PSMD2: variants seen among roughly 807,000 people sequenced by gnomAD.
PSMD2 encodes the protein 26S proteasome non-ATPase regulatory subunit 2.
PSMD2 carries 8 observed loss-of-function variants against 101.5 expected under a neutral mutation model. The ratio of observed to expected loss-of-function variants is 0.08; its 90% CI spans 0.05 to 0.14. The LOEUF is 0.14. Among genes scored for constraint, PSMD2 ranks in the 10% least tolerant of loss-of-function variants. PSMD2 has a pLI of 1.00. For synonymous variants in PSMD2, 418 were observed against 433.8 expected, an observed-to-expected ratio of 0.96 and a Z score of 0.45; for missense variants, 784 against 1,147.4, an observed-to-expected ratio of 0.68 and a Z score of 4.58.
Position 184,303,660 on chromosome 3 carries a change from G to T in PSMD2, c.1234G>T (p.Ala412Ser), listed in dbSNP as rs201414592. The change falls in exon 10 of 21, where the codon GCA becomes TCA. Residue 412 changes from alanine (A) to serine (S), a missense_variant. Ala to Ser is a moderately conservative substitution (Grantham distance 99). Coordinates refer to ENST00000310118, the MANE Select transcript of PSMD2 (RefSeq NM_002808.5). ...TGGTATAGGAATGTTGAGTGCAGCT[G>T]CATCTCTTGGGATGATTCTGCTGTG... is the stretch of plus-strand genomic sequence containing the variant. ...NKDHGMLSAA[A>S]SLGMILLWDV... is the part of the protein sequence containing the mutation. 1.0e-4 allele frequency: 167 copies of T among 1,614,096 alleles called. No individual in the cohort carries two copies. Among genetic ancestry groups the T allele is most frequent in the Non-Finnish European group, 1.4e-4 (161 of 1,180,046 alleles).
chr3:184,303,501 C>G (rs1161499362), intron 9 of PSMD2, 35 bp downstream of exon 9: 34 of 1,610,298 alleles, frequency 2.1e-5, no homozygotes, highest in Non-Finnish European at 2.7e-5. Context: ...TTTTGTTTTG[C>G]TTTGATCACT....
Position 184,302,755 on chromosome 3 carries a change from T to C in PSMD2, c.940T>C (p.Tyr314His). ...GGAGCTGAGTGAAGATGTCGAGGAG[T>C]ATGAGGACCTGACAGAGATCATGTC... ...FLELSEDVEE[Y>H]EDLTEIMSNV... Residue 314 changes from tyrosine to histidine, a missense_variant, in exon 7 of 21, where the codon TAT becomes CAT. Physicochemically the swap from Tyr to His is moderately conservative, Grantham distance 83. Around this residue, in one of 6 missense-constraint regions of PSMD2, gnomAD observed 208 missense variants for 301.6 expected, o/e 0.69. Coordinates refer to ENST00000310118, the MANE Select transcript of PSMD2 (RefSeq NM_002808.5). The C allele has an allele frequency of 1.2e-6, 2 of 1,613,944 alleles. No homozygotes were observed. The highest frequency in any genetic ancestry group is 1.7e-6 in the Non-Finnish European group (2 of 1,179,988).
rs530468168 is a variant in PSMD2 at position 184,303,231 on chromosome 3, C to T, written c.1070-89C>T. The T allele has an allele frequency of 2.6e-5, 40 of 1,543,916 alleles. No individual in the cohort carries two copies. The South Asian group carries it at 4.1e-4, about 16-fold the overall frequency. ...GGTAGAGGATACTAAGGGACTAGCT[C>T]AGAACCAGAGACCAGTTGCCATGCT... is the stretch of plus-strand genomic sequence containing the variant. On this transcript the variant is annotated intron_variant, in intron 8 of 20. Transcript: ENST00000310118.
chr3:184,300,133 C>A, intron 2 of PSMD2, 147 bp from the exon 3 acceptor site: 1 of 960,998 alleles, frequency 1.0e-6, no homozygotes, highest in Non-Finnish European at 1.5e-6. Context: ...GTTTTTGTGC[C>A]AGGCAGGGTG....
At chr3:184,299,497 G>C in intron 1 of PSMD2, 96 bp downstream of exon 1, 2 of 1,301,192 alleles carry the variant, frequency 1.5e-6, no homozygotes, top group Non-Finnish European at 2.0e-6. Flanking sequence ...ACCCCACCGC[G>C]CCAGGGAGAG....
At chr3:184,299,680 A>T in intron 1 of PSMD2, 171 bp from the exon 2 acceptor site, 1 of 664,310 alleles carries the variant, frequency 1.5e-6, no homozygotes, top group Non-Finnish European at 2.6e-6. Flanking sequence ...GTAGAGCCTG[A>T]TTCAGAACCC....
rs990070715 is a variant in PSMD2, at chr3:184,307,375, A to G, written c.2053A>G (p.Thr685Ala). ...TCATCAGCTGAGATATGGGGAGCCT[A>G]CACTCCGGAGGGCTGTACCTTTAGC... ...FGHLLRYGEP[T>A]LRRAVPLALA... Residue 685 changes from threonine (T) to alanine (A), a missense_variant, in exon 17 of 21, where the codon ACA (threonine) becomes GCA (alanine). Coordinates refer to ENST00000310118, the MANE Select transcript of PSMD2 (RefSeq NM_002808.5). 1 of 1,614,182 alleles carries G rather than the reference A, an allele frequency of 6.2e-7. No individual in the cohort carries two copies.
chr3:184,305,815 C>A lies in PSMD2; in HGVS notation c.1587C>A (p.Ser529=). The A allele has an allele frequency of 6.2e-7, 1 of 1,614,176 alleles. No individual in the cohort carries two copies. The highest frequency in any genetic ancestry group is 8.5e-7 in the Non-Finnish European group (1 of 1,180,032). ...CCTGTGGAATGATAGCAGTAGGGTC[C>A]TGCAATGGAGATGTAACTTCCACTA... ...ALACGMIAVG[S]CNGDVTSTIL... The change falls in exon 13 of 21, where the codon TCC becomes TCA. Residue 529 remains serine, a synonymous_variant. Coordinates refer to ENST00000310118, the MANE Select transcript of PSMD2 (RefSeq NM_002808.5).
At position 184,308,000 on chromosome 3, in the gene PSMD2, C is replaced by A. The variant is rs1721891764; in HGVS notation, c.2409C>A (p.Phe803Leu). Residue 803 changes from phenylalanine (F) to leucine (L), a missense_variant, in exon 19 of 21, where the codon TTC becomes TTA. Around this residue, in one of 6 missense-constraint regions of PSMD2, gnomAD observed 282 missense variants for 437.6 expected, o/e 0.64. Transcript: ENST00000310118. ...VAGLLTVLVSFLDVRNIILGK... is the reference protein window; with the variant it reads ...VAGLLTVLVSLLDVRNIILGK... ...GACTGCTCACTGTGCTTGTCTCTTTCCTGGATGTTCGAAACAGTGAGTTCC... is the reference window on the plus strand; with the variant it reads ...GACTGCTCACTGTGCTTGTCTCTTTACTGGATGTTCGAAACAGTGAGTTCC... 1 of 1,613,940 alleles carries A rather than the reference C, an allele frequency of 6.2e-7. No individual in the cohort carries two copies. The highest frequency in any genetic ancestry group is 8.5e-7 in the Non-Finnish European group (1 of 1,180,040).
chr3:184,303,618 A>G, intron 9 of PSMD2, 25 bp from the exon 10 acceptor site: 1 of 1,613,770 alleles, frequency 6.2e-7, no homozygotes, highest in Non-Finnish European at 8.5e-7. Context: ...CCATTTTAAG[A>G]CTAATAGATT....
At chr3:184,301,060 G>C in intron 3 of PSMD2, among the ~76,000 whole-genome samples, 1 of 152,012 alleles carries the variant, frequency 6.6e-6, no homozygotes, top group East Asian at 1.9e-4. Flanking sequence ...GCTGGGTGTG[G>C]TGGCTCACAC....
At position 184,304,124 on chromosome 3, in the gene PSMD2, G is replaced by A. The variant is rs145714256; in HGVS notation, c.1451+50G>A. The A allele has an allele frequency of 1.2e-5, 19 of 1,609,740 alleles. No homozygotes were observed. The Middle Eastern group carries it at 6.6e-4, about 56-fold the overall frequency. ...GGTAGTGCTCAGCCTGTACACTCTG[G>A]AGAACAGGAACTGGGCCCTTTTCAC... On this transcript the variant is annotated intron_variant, in intron 11 of 20. Transcript: ENST00000310118. The surrounding 1 kb of genome is among the most constrained non-coding windows in gnomAD (Gnocchi z 4.1).
intron 3 of PSMD2, chr3:184,300,708 T>G (rs925555145): frequency 1.7e-6 from 2 of 1,145,660 alleles, no homozygotes; most frequent in African/African-American, 3.2e-5. Flanking sequence ...TTGATTTTTC[T>G]CTTTTCTTCT....
rs1721763113 is a variant in PSMD2 at position 184,304,495 on chromosome 3, T to C, written c.1539+104T>C. The C allele has an allele frequency of 2.0e-5, 22 of 1,106,434 alleles. No homozygotes were observed. The highest frequency in any genetic ancestry group is 2.7e-5 in the Non-Finnish European group (20 of 729,776). The allele number at this position is 1,106,434 out of a possible 1,614,324, so 68.5% of individuals were successfully genotyped here. On this transcript the variant is annotated intron_variant, in intron 12 of 20. Coordinates refer to ENST00000310118, the MANE Select transcript of PSMD2 (RefSeq NM_002808.5). This position sits in a 1 kb window ranked among gnomAD's most constrained non-coding sequence, Gnocchi z 4.1. ...AGAAGTAAGTGTGTGCATGTGTGCA[T>C]ACATGTACATGCCTGTTGGTGTGTA...
rs1226787974 is a variant in PSMD2, at chr3:184,302,322, A to G, written c.705-48A>G. 5 of 1,583,270 alleles carry G rather than the reference A, an allele frequency of 3.2e-6. No individual in the cohort carries two copies. In the African/African-American group the frequency reaches 5.4e-5, roughly 17 times the overall value. On this transcript the variant is annotated intron_variant, in intron 5 of 20. Coordinates refer to ENST00000310118, the MANE Select transcript of PSMD2 (RefSeq NM_002808.5). ...TTGGGTAAGTGAATTCATGGGGAAA[A>G]TGAGTGCCTGGGACTTTCTGAATTC...
At chr3:184,299,559 A>T in intron 1 of PSMD2, 158 bp downstream of exon 1, 3 of 1,065,748 alleles carry the variant, frequency 2.8e-6, no homozygotes, top group Non-Finnish European at 3.8e-6. Context: ...TCTGCTCCTC[A>T]TTCTCCGTTC....
At chr3:184,302,974 C>T (rs1721697893) in intron 7 of PSMD2, 28 bp from the exon 8 acceptor site, 1 of 1,613,736 alleles carries the variant, frequency 6.2e-7, no homozygotes, top group South Asian at 1.1e-5. Flanking sequence ...TCTAGGGAAG[C>T]AATTGTGACC....
At chr3:184,305,716 CAT>C in intron 12 of PSMD2, 50 bp from the exon 13 acceptor site, 3 of 1,527,400 alleles carry the variant, frequency 2.0e-6, no homozygotes, top group Non-Finnish European at 2.7e-6. Context: ...TGAATCAAGA[CAT>C]AAATATTTTA....
intron 12 of PSMD2, 76 bp from the exon 13 acceptor site, chr3:184,305,692 G>T: frequency 7.3e-7 from 1 of 1,361,314 alleles, no homozygotes; most frequent in Admixed American, 1.9e-5. Context: ...GTGGACTGTA[G>T]GAATAGGCTA....
Sources: allele counts gnomAD v4.1 joint callset (sites outside exome capture counted in the v4.1 genomes callset), GRCh38; gene constraint gnomAD v4.1.1; regional missense constraint gnomAD v4.1.1; non-coding constraint Gnocchi (gnomAD v3.1); transcripts MANE v1.5; gene names NCBI Gene and HGNC (gene_info 2026-07-23, HGNC 2026-07-21).